Variants in WDFY4 observed in about 807,000 individuals in gnomAD.
WDFY4 encodes WD repeat- and FYVE domain-containing protein 4.
WDFY4 carries 169 observed loss-of-function variants against 351.9 expected under a neutral mutation model. That is an observed-to-expected ratio of 0.48 (90% CI 0.42 to 0.55). WDFY4 has a LOEUF of 0.55. Ranked by LOEUF, WDFY4 falls within the 20% of genes least tolerant of loss-of-function variation. The pLI, the probability that WDFY4 is intolerant of heterozygous loss-of-function variation, is 0.00. For missense variants in WDFY4, 3,803 were observed against 3,935.6 expected, an observed-to-expected ratio of 0.97 and a Z score of 0.90; for synonymous variants, 1,622 against 1,574.6, an observed-to-expected ratio of 1.03 and a Z score of -0.71.
At chr10:48,781,615 G>A (rs1291415219) in intron 19 of WDFY4, among the ~76,000 whole-genome samples, 7 of 152,104 alleles carry the variant, frequency 4.6e-5, no homozygotes, top group African/African-American at 1.7e-4. Context: ...GATTTTGACA[G>A]GGGCATTGAA....
chr10:48,813,613 T>G (rs2067527468), intron 30 of WDFY4, among the ~76,000 whole-genome samples: 2 of 152,192 alleles, frequency 1.3e-5, no homozygotes, highest in South Asian at 4.1e-4. Context: ...CTCTACATGC[T>G]GAAGTTTCCC....
chr10:48,829,002 C>T (rs941179792), intron 37 of WDFY4, 106 bp downstream of exon 37: 8 of 646,722 alleles, frequency 1.2e-5, no homozygotes, highest in East Asian at 1.2e-4. Flanking sequence ...TCGTCCTTCC[C>T]GAAATAAGAA....
chr10:48,945,926 A>G (rs1402843654), intron 49 of WDFY4, 114 bp from the exon 50 acceptor site: 3 of 654,036 alleles, frequency 4.6e-6, no homozygotes, highest in Non-Finnish European at 7.4e-6. Context: ...CACCAGAGGC[A>G]GGTCAGACCA....
intron 43 of WDFY4, among the ~76,000 whole-genome samples, chr10:48,880,509 C>T (rs767066744): frequency 1.3e-5 from 2 of 152,246 alleles, no homozygotes; most frequent in Non-Finnish European, 2.9e-5. Context: ...AGAAATGCCA[C>T]ACACTGTTTG....
At chr10:48,924,262 G>C (rs1007411584) in intron 47 of WDFY4, among the ~76,000 whole-genome samples, 5 of 152,184 alleles carry the variant, frequency 3.3e-5, no homozygotes, top group African/African-American at 1.2e-4. Context: ...GTTATAGAAG[G>C]CAGAGTGTGT....
chr10:48,784,744 G>A (rs181835638), intron 19 of WDFY4, among the ~76,000 whole-genome samples: 1 of 149,758 alleles, frequency 6.7e-6, no homozygotes, highest in East Asian at 2.0e-4. Context: ...TTTTCACTAT[G>A]TTGGCCAGGA....
At chr10:48,975,542 G>A (rs552353212) in intron 58 of WDFY4, among the ~76,000 whole-genome samples, 10 of 152,316 alleles carry the variant, frequency 6.6e-5, no homozygotes, top group African/African-American at 2.4e-4. Flanking sequence ...TTCTGCATCT[G>A]CTCACAGAAA....
Position 48,969,054 on chromosome 10 carries a change from T to C in WDFY4, c.8585-10T>C, listed in dbSNP as rs1447151296. On this transcript the variant is annotated splice_polypyrimidine_tract_variant and intron_variant, in intron 55 of 61. Transcript: ENST00000325239. ...CCATGCATAAGTTCGCCATACTAACTGGGGTGTAGATATGTACCTCTTTTC... is the reference window on the plus strand; with the variant it reads ...CCATGCATAAGTTCGCCATACTAACCGGGGTGTAGATATGTACCTCTTTTC... 6.5e-6 allele frequency: 10 copies of C among 1,550,018 alleles called. No homozygotes were observed. Among genetic ancestry groups the C allele is most frequent in the Non-Finnish European group, 8.7e-6 (10 of 1,145,702 alleles).
intron 24 of WDFY4, among the ~76,000 whole-genome samples, chr10:48,800,019 G>A (rs1455430871): frequency 6.6e-6 from 1 of 152,056 alleles, no homozygotes; most frequent in Non-Finnish European, 1.5e-5. Context: ...TCGAGTAGCT[G>A]GGACTATAGG....
At position 48,810,687 on chromosome 10, in the gene WDFY4, G is replaced by T; in HGVS notation, c.4996G>T (p.Ala1666Ser). The stretch of plus-strand genomic sequence containing the variant: ...CACACGGTTTAGAGATGGCCTGTGT[G>T]CAGGATCCTGGGTGGAACGCAGCAC... Reference protein sequence around the residue: ...LRTRFRDGLCAGSWVERSTEG... With the variant: ...LRTRFRDGLCSGSWVERSTEG... Residue 1666 changes from alanine (A) to serine (S), a missense_variant, in exon 29 of 62, where the codon GCA becomes TCA. By Grantham distance (99) the Ala-to-Ser change is moderately conservative (BLOSUM62 1). Coordinates refer to ENST00000325239, the MANE Select transcript of WDFY4 (RefSeq NM_001394531.1). 1 of 1,551,138 alleles carries T rather than the reference G, an allele frequency of 6.4e-7. No homozygotes were observed.
intron 1 of WDFY4, among the ~76,000 whole-genome samples, chr10:48,697,140 T>C (rs988989059): frequency 6.6e-6 from 1 of 152,230 alleles, no homozygotes; most frequent in Non-Finnish European, 1.5e-5. Context: ...CCTAGATACA[T>C]GGAGCTACTT....
At chr10:48,970,071 A>C in intron 56 of WDFY4, 60 bp from the exon 57 acceptor site, 7 of 1,527,902 alleles carry the variant, frequency 4.6e-6, no homozygotes, top group South Asian at 1.3e-5. Context: ...CCGTGACTCT[A>C]TCCTGGGCTC....
intron 49 of WDFY4, 149 bp from the exon 50 acceptor site, chr10:48,945,891 A>G (rs974092429): frequency 5.5e-5 from 30 of 549,826 alleles, no homozygotes; most frequent in Non-Finnish European, 8.5e-5. Context: ...CTCTGGGGCC[A>G]TAAAACCCCA....
chr10:48,796,435 C>A lies in WDFY4; in HGVS notation c.4395C>A (p.Ile1465=). ...CCAACACTGGTGTCTTCCAGCACATCCTCTGCAATTTCGAGGTAAATCAGA... is the reference window on the plus strand; with the variant it reads ...CCAACACTGGTGTCTTCCAGCACATACTCTGCAATTTCGAGGTAAATCAGA... ...AITNTGVFQH[I]LCNFELWMNT... The change falls in exon 24 of 62, where the codon ATC becomes ATA. Residue 1465 remains isoleucine (I), a synonymous_variant. Coordinates refer to ENST00000325239, the MANE Select transcript of WDFY4 (RefSeq NM_001394531.1). The A allele has an allele frequency of 1.9e-6, 3 of 1,551,480 alleles. No individual in the cohort carries two copies. The highest frequency in any genetic ancestry group is 2.6e-6 in the Non-Finnish European group (3 of 1,147,014).
intron 47 of WDFY4, among the ~76,000 whole-genome samples, chr10:48,914,841 A>C (rs1036423630): frequency 2.0e-5 from 3 of 152,168 alleles, no homozygotes; most frequent in Admixed American, 6.5e-5. Flanking sequence ...GCCCAGCAGC[A>C]CCATAACTCC....
At chr10:48,787,185 A>C (rs531279217) in intron 20 of WDFY4, among the ~76,000 whole-genome samples, 1 of 152,346 alleles carries the variant, frequency 6.6e-6, no homozygotes, top group East Asian at 1.9e-4. Flanking sequence ...TTTTTAACTA[A>C]AGTATACTGT....
chr10:48,786,738 CAA>C lies in WDFY4; in HGVS notation c.3679_3680del (p.Lys1227ValfsTer14). On this transcript the variant is annotated frameshift_variant, in exon 20 of 62. Transcript: ENST00000325239. LOFTEE classifies it high-confidence loss of function. ...TATTGCTACTCCTCGAGTCTGGAAACAAAAGTCTTCATTAATCTGGCGTCTTG... is the reference window on the plus strand; with the variant it reads ...TATTGCTACTCCTCGAGTCTGGAAACAAGTCTTCATTAATCTGGCGTCTTG... ...GYIATPRVWK[Q>X]KSSLIWRLGP... 2 of 1,552,322 alleles carry C rather than the reference CAA, an allele frequency of 1.3e-6. No homozygotes were observed. The highest frequency in any genetic ancestry group is 1.7e-6 in the Non-Finnish European group (2 of 1,147,138).
chr10:48,853,258 G>C (rs116466026), intron 39 of WDFY4, among the ~76,000 whole-genome samples: 1 of 152,112 alleles, frequency 6.6e-6, no homozygotes, highest in Non-Finnish European at 1.5e-5. Context: ...CCACATGGCT[G>C]TGGACCCCTC....
At chr10:48,943,867 T>C (rs1261526505) in intron 49 of WDFY4, among the ~76,000 whole-genome samples, 3 of 152,206 alleles carry the variant, frequency 2.0e-5, no homozygotes, top group Non-Finnish European at 1.5e-5. Flanking sequence ...AGTGCTGGGA[T>C]TACAGGCATG....
Sources: allele counts gnomAD v4.1 joint callset (sites outside exome capture counted in the v4.1 genomes callset), GRCh38; gene constraint gnomAD v4.1.1; transcripts MANE v1.5; gene names NCBI Gene and HGNC (gene_info 2026-07-23, HGNC 2026-07-21).